Variants in RASEF observed in about 807,000 individuals in gnomAD.
The protein encoded by RASEF is RAS and EF-hand domain containing, also known as ras and EF-hand domain-containing protein.
In RASEF, 68 loss-of-function variants were observed where a neutral mutation model predicts 90.1. The observed-to-expected ratio is 0.75, with a 90% CI of 0.62 to 0.92. The LOEUF is 0.92. Among genes scored for constraint, RASEF ranks in the 40% least tolerant of loss-of-function variants. The probability of loss-of-function intolerance (pLI) is 0.00; values close to 1 mark genes in which losing one functional copy is unlikely to be tolerated. For synonymous variants in RASEF, 331 were observed against 345.2 expected (o/e 0.96, Z 0.46); for missense variants, 949 against 937.2 (o/e 1.01, Z -0.16).
At chr9:83,147,202 C>T in the RASEF span, among the ~76,000 whole-genome samples, 1 of 151,904 alleles carries the variant, frequency 6.6e-6, no homozygotes, top group African/African-American at 2.4e-5. Flanking sequence ...TAGCAGGAGC[C>T]TGATATTTTT....
At chr9:83,049,708 C>G (rs13284094) in intron 1 of RASEF, among the ~76,000 whole-genome samples, 55,411 of 108,166 alleles carry the variant, frequency 0.51, 14,549 homozygotes, top group East Asian at 0.7. Context: ...GACCCCACCA[C>G]AGTCCCCAGA....
chr9:83,063,308 CG>C (rs1830251919), upstream of RASEF: 2 of 175,646 alleles, frequency 1.1e-5, no homozygotes, highest in South Asian at 1.6e-4. Flanking sequence ...AACTGGGATT[CG>C]GGGGGAGCAT....
At position 83,009,682 on chromosome 9, in the gene RASEF, A is replaced by T; in HGVS notation, c.918T>A (p.Ala306=). ...NIAFLQSELD[A]LKSDYADQSL... ...TCTGATCAGCATAATCACTTTTCAA[A>T]GCATCTAACTCACTCTGAAGAAAGG... Residue 306 remains alanine, a synonymous_variant, in exon 6 of 17, where the codon GCT becomes GCA. Coordinates refer to ENST00000376447, the MANE Select transcript of RASEF (RefSeq NM_152573.4). The T allele has an allele frequency of 1.2e-6, 2 of 1,613,088 alleles. No individual in the cohort carries two copies. The highest frequency in any genetic ancestry group is 1.7e-6 in the Non-Finnish European group (2 of 1,179,204).
the RASEF span, among the ~76,000 whole-genome samples, chr9:83,171,931 G>A: frequency 2.6e-5 from 4 of 151,392 alleles, no homozygotes; most frequent in African/African-American, 9.7e-5. Context: ...GCTCTGATCT[G>A]TATTCTTTTC....
At chr9:83,036,659 A>G (rs1202508049) in intron 1 of RASEF, among the ~76,000 whole-genome samples, 3 of 152,198 alleles carry the variant, frequency 2.0e-5, no homozygotes, top group African/African-American at 7.2e-5. Context: ...GCATAAGGAG[A>G]CATGACAACA....
chr9:83,170,748 CT>C, the RASEF span, among the ~76,000 whole-genome samples: 3 of 151,898 alleles, frequency 2.0e-5, no homozygotes, highest in Admixed American at 6.6e-5. Flanking sequence ...AGAAACACTA[CT>C]GATATCTGTA....
the RASEF span, among the ~76,000 whole-genome samples, chr9:83,138,907 T>TA: frequency 4.4e-4 from 67 of 151,200 alleles, no homozygotes; most frequent in East Asian, 9.5e-3. Flanking sequence ...CCTCCCAGAT[T>TA]AAAAAAAAAC....
upstream of RASEF, among the ~76,000 whole-genome samples, chr9:83,065,520 A>G (rs1391022747): frequency 6.6e-6 from 1 of 152,178 alleles, no homozygotes; most frequent in Non-Finnish European, 1.5e-5. Flanking sequence ...ATTTGCTGAT[A>G]TTCCATTGAC....
chr9:83,199,013 A>T, the RASEF span, among the ~76,000 whole-genome samples: 1 of 152,206 alleles, frequency 6.6e-6, no homozygotes, highest in South Asian at 2.1e-4. Context: ...AAAGCAATGA[A>T]ATGTCTTCAT....
intron 1 of RASEF, among the ~76,000 whole-genome samples, chr9:83,039,092 A>C (rs1307777272): frequency 3.2e-4 from 48 of 152,130 alleles, no homozygotes; most frequent in Admixed American, 3.1e-3. Flanking sequence ...CCCTTTTCAA[A>C]GTATATTTTA....
chr9:83,090,686 C>A, the RASEF span, among the ~76,000 whole-genome samples: 1 of 152,110 alleles, frequency 6.6e-6, no homozygotes, highest in Non-Finnish European at 1.5e-5. Flanking sequence ...AGGTGTGTCA[C>A]TGCACCTGGC....
chr9:83,078,478 C>T, the RASEF span, among the ~76,000 whole-genome samples: 1 of 152,148 alleles, frequency 6.6e-6, no homozygotes, highest in South Asian at 2.1e-4. Context: ...ACCAGCCTGG[C>T]CAAAATAGTG....
At chr9:83,055,517 C>T (rs539104154) in intron 1 of RASEF, 32 of 705,444 alleles carry the variant, frequency 4.5e-5, no homozygotes, top group African/African-American at 3.0e-4. Context: ...GCGTCGCTCA[C>T]GCTGGGAGCT....
chr9:83,089,294 A>T, the RASEF span, among the ~76,000 whole-genome samples: 2,343 of 152,196 alleles, frequency 0.015, 76 homozygotes, highest in African/African-American at 0.053. Flanking sequence ...AGTTTTAAAA[A>T]TAAGATAGAA....
the RASEF span, among the ~76,000 whole-genome samples, chr9:83,198,609 A>C: frequency 1.1e-3 from 170 of 152,280 alleles, no homozygotes; most frequent in African/African-American, 4.0e-3. Flanking sequence ...TCCTCCTAGC[A>C]CTTAACACAG....
the RASEF span, among the ~76,000 whole-genome samples, chr9:83,203,173 T>A: frequency 6.6e-6 from 1 of 152,224 alleles, no homozygotes; most frequent in Non-Finnish European, 1.5e-5. Context: ...CATTTATTTT[T>A]ACATTTATTT....
At chr9:83,197,627 T>A in the RASEF span, among the ~76,000 whole-genome samples, 1 of 152,220 alleles carries the variant, frequency 6.6e-6, no homozygotes, top group South Asian at 2.1e-4. Flanking sequence ...AGACCACAGA[T>A]GCCACGAGTA....
At chr9:83,004,175 T>G (rs1182822346) in intron 9 of RASEF, among the ~76,000 whole-genome samples, 2 of 152,206 alleles carry the variant, frequency 1.3e-5, no homozygotes, top group Non-Finnish European at 2.9e-5. Context: ...CCAGAAACAC[T>G]GCAGCATCAT....
chr9:83,069,192 A>G, the RASEF span, among the ~76,000 whole-genome samples: 3 of 152,232 alleles, frequency 2.0e-5, no homozygotes, highest in South Asian at 2.1e-4. Context: ...TAAAATTTAC[A>G]TACGATAAAA....
Sources: gnomAD v4.1 joint callset for allele counts (sites outside exome capture counted in the v4.1 genomes callset) on GRCh38, gnomAD v4.1.1 for gene constraint, MANE v1.5 for transcripts, NCBI Gene and HGNC (gene_info 2026-07-23, HGNC 2026-07-21) for gene names.